Variants in SNAP25 observed in about 807,000 individuals in gnomAD.
SNAP25 encodes synaptosomal-associated protein 25.
In SNAP25, 3 loss-of-function variants were observed where a neutral mutation model predicts 28.7. The ratio of observed to expected loss-of-function variants is 0.10; its 90% confidence interval spans 0.05 to 0.27. The LOEUF (loss-of-function observed/expected upper bound fraction) is 0.27, where lower values mean the gene tolerates loss of function less well. Ranked by LOEUF, SNAP25 falls within the 10% of genes least tolerant of loss-of-function variation. The probability of loss-of-function intolerance (pLI) is 1.00; values close to 1 mark genes in which losing one functional copy is unlikely to be tolerated. For synonymous variants in SNAP25, 61 were observed against 88.1 expected (o/e 0.69, Z 1.72); for missense variants, 117 against 278.7 (o/e 0.42, Z 4.13).
intron 1 of SNAP25, among the ~76,000 whole-genome samples, chr20:10,256,254 C>T (rs889878443): frequency 6.6e-6 from 1 of 152,146 alleles, no homozygotes; most frequent in Non-Finnish European, 1.5e-5. Context: ...TCAAGTCTAT[C>T]CGCTATTACG....
At chr20:10,238,729 G>A (rs894672415) in intron 1 of SNAP25, among the ~76,000 whole-genome samples, 2 of 152,128 alleles carry the variant, frequency 1.3e-5, no homozygotes, top group African/African-American at 2.4e-5. Flanking sequence ...GGCCAGCATA[G>A]TGAAACTCCG....
chr20:10,293,058 TTC>T lies in SNAP25; in HGVS notation c.164-101_164-100del. On this transcript the variant is annotated intron_variant, in intron 4 of 7. Transcript: ENST00000254976. This position sits in a 1 kb window ranked among gnomAD's most constrained non-coding sequence, Gnocchi z 5.6. ...TCCAGTTTTCTTTCTTTTTTTTTTT[TTC>T]TTTTTTAATGTCAAAGTGAATGTCT... is the stretch of plus-strand genomic sequence containing the variant. 1 of 1,464,438 alleles carries T rather than the reference TTC, an allele frequency of 6.8e-7. No homozygotes were observed. The highest frequency in any genetic ancestry group is 9.3e-7 in the Non-Finnish European group (1 of 1,077,350). 90.7% of individuals were successfully genotyped at this position (1,464,438 alleles called of 1,614,324 possible).
Position 10,293,401 on chromosome 20 carries a change from C to G in SNAP25, c.281+123C>G. 1 of 689,416 alleles carries G rather than the reference C, an allele frequency of 1.5e-6. No individual in the cohort carries two copies. The highest frequency in any genetic ancestry group is 2.6e-6 in the Non-Finnish European group (1 of 387,280). The allele number at this position is 689,416 out of a possible 1,614,324, so 42.7% of individuals were successfully genotyped here. On this transcript the variant is annotated intron_variant, in intron 5 of 7. Transcript: ENST00000254976. The surrounding 1 kb of genome is among the most constrained non-coding windows in gnomAD (Gnocchi z 5.6). ...TGTGGCATGCAGAACAGATCAATAC[C>G]GTCTCCAATGCATTCATCTCATAGC...
At chr20:10,236,175 CCTGGCT>C (rs2062917281) in intron 1 of SNAP25, among the ~76,000 whole-genome samples, 1 of 152,152 alleles carries the variant, frequency 6.6e-6, no homozygotes, top group African/African-American at 2.4e-5. Context: ...GAAACTTAGA[CCTGGCT>C]TATTAGTACC....
intron 2 of SNAP25, among the ~76,000 whole-genome samples, chr20:10,277,091 CA>C (rs1320038783): frequency 9.9e-5 from 15 of 152,224 alleles, no homozygotes; most frequent in African/African-American, 3.6e-4. Context: ...GGGACCATTG[CA>C]GAGCTCAGCC....
chr20:10,271,340 A>G (rs571389650), intron 1 of SNAP25, among the ~76,000 whole-genome samples: 10 of 152,330 alleles, frequency 6.6e-5, no homozygotes, highest in African/African-American at 2.4e-4. Flanking sequence ...AAACATCCCA[A>G]CAGAAGATCT....
Position 10,235,306 on chromosome 20 carries a change from C to A in SNAP25, c.-64+16329C>A, listed in dbSNP as rs908999335. 2.6e-5 allele frequency among the ~76,000 whole-genome samples: 4 copies of A among 152,240 alleles called. No individual in the cohort carries two copies. In the East Asian group the frequency reaches 5.8e-4, roughly 22 times the overall value. ...GGAAACCAATTTTATTGAAGTACAA[C>A]TATTAAAATATTTTTAGAAAAACCA... On this transcript the variant is annotated intron_variant, in intron 1 of 7. Transcript: ENST00000254976.
rs2064033718 is a variant in SNAP25 at position 10,293,064 on chromosome 20, T to C, written c.164-97T>C. The C allele has an allele frequency of 3.4e-6, 5 of 1,463,006 alleles. No individual in the cohort carries two copies. The South Asian group carries it at 6.4e-5, about 19-fold the overall frequency. 90.6% of individuals were successfully genotyped at this position (1,463,006 alleles called of 1,614,324 possible). A position where few individuals can be genotyped will look rare whatever the true frequency, so the allele number is the denominator to read the frequency against. Reference sequence around the variant, plus strand: ...TTTCTTTCTTTTTTTTTTTTTCTTTTTTAATGTCAAAGTGAATGTCTGAAG... The same window carrying C: ...TTTCTTTCTTTTTTTTTTTTTCTTTCTTAATGTCAAAGTGAATGTCTGAAG... On this transcript the variant is annotated intron_variant, in intron 4 of 7. Coordinates refer to ENST00000254976, the MANE Select transcript of SNAP25 (RefSeq NM_130811.4). This position sits in a 1 kb window ranked among gnomAD's most constrained non-coding sequence, Gnocchi z 5.6.
At chr20:10,271,800 T>C (rs1466434221) in intron 1 of SNAP25, among the ~76,000 whole-genome samples, 1 of 151,518 alleles carries the variant, frequency 6.6e-6, no homozygotes, top group African/African-American at 2.4e-5. Context: ...CCTGAAGGAG[T>C]GGGACAGAGC....
chr20:10,219,314 T>C (rs954317445), intron 1 of SNAP25: 3 of 152,214 alleles, frequency 2.0e-5, no homozygotes, highest in Non-Finnish European at 2.9e-5. Context: ...GCTGTTGAGT[T>C]TTCCTCCCCT....
chr20:10,270,689 ACT>A (rs1232412032), intron 1 of SNAP25, among the ~76,000 whole-genome samples: 1 of 151,038 alleles, frequency 6.6e-6, no homozygotes, highest in East Asian at 1.9e-4. Flanking sequence ...ACAGAGTGAA[ACT>A]CTGTCTCAAA....
At chr20:10,233,273 G>T (rs2062857885) in intron 1 of SNAP25, among the ~76,000 whole-genome samples, 1 of 149,116 alleles carries the variant, frequency 6.7e-6, no homozygotes, top group African/African-American at 2.6e-5. Flanking sequence ...TCTGTCACAG[G>T]ATATTAAACT....
chr20:10,260,348 T>C lies in SNAP25; in HGVS notation c.-63-15081T>C, dbSNP rs144459514. Among the ~76,000 whole-genome samples the C allele has an allele frequency of 2.8e-3, 422 of 152,282 alleles. 6 individuals are homozygous for C. The highest frequency in any genetic ancestry group is 5.4e-3 in the Admixed American group (82 of 15,296). On this transcript the variant is annotated intron_variant, in intron 1 of 7. Coordinates refer to ENST00000254976, the MANE Select transcript of SNAP25 (RefSeq NM_130811.4). Reference sequence around the variant, plus strand: ...TGGAAAACTTGTTCTATAAACACAATGAAGTATGCATTTTCTGTTCACTTG... The same window carrying C: ...TGGAAAACTTGTTCTATAAACACAACGAAGTATGCATTTTCTGTTCACTTG...
intron 1 of SNAP25, among the ~76,000 whole-genome samples, chr20:10,260,551 C>T (rs1424522086): frequency 6.6e-6 from 1 of 152,096 alleles, no homozygotes; most frequent in East Asian, 1.9e-4. Flanking sequence ...CTAGGCCCTA[C>T]CCCAGAATCA....
intron 1 of SNAP25, among the ~76,000 whole-genome samples, chr20:10,236,715 C>T (rs2062928272): frequency 6.6e-6 from 1 of 152,058 alleles, no homozygotes; most frequent in Non-Finnish European, 1.5e-5. Flanking sequence ...CAAGCAACTG[C>T]GTGGAAGCCT....
At chr20:10,272,935 AG>A (rs574795577) in intron 1 of SNAP25, among the ~76,000 whole-genome samples, 265 of 152,354 alleles carry the variant, frequency 1.7e-3, no homozygotes, top group African/African-American at 5.9e-3. Flanking sequence ...ATTCCTTCTA[AG>A]AACCCTAAAG....
intron 1 of SNAP25, among the ~76,000 whole-genome samples, chr20:10,253,751 TG>T (rs1331234552): frequency 6.6e-6 from 1 of 152,180 alleles, no homozygotes; most frequent in East Asian, 1.9e-4. Flanking sequence ...AAGGTGTATT[TG>T]GGGGTACTAA....
chr20:10,269,399 C>T (rs2063555619), intron 1 of SNAP25, among the ~76,000 whole-genome samples: 1 of 152,118 alleles, frequency 6.6e-6, no homozygotes. Context: ...AAGGCTCCAT[C>T]TTAAAAATAA....
At chr20:10,270,112 G>T (rs982060670) in intron 1 of SNAP25, among the ~76,000 whole-genome samples, 8 of 152,058 alleles carry the variant, frequency 5.3e-5, no homozygotes, top group African/African-American at 1.9e-4. Context: ...AATTAGCCTG[G>T]CGTGGTGGTG....
Sources: gnomAD v4.1 joint callset for allele counts (sites outside exome capture counted in the v4.1 genomes callset) on GRCh38, gnomAD v4.1.1 for gene constraint, Gnocchi (gnomAD v3.1) non-coding constraint, MANE v1.5 for transcripts, NCBI Gene and HGNC (gene_info 2026-07-23, HGNC 2026-07-21) for gene names.